CNOT2: variants seen among roughly 807,000 people sequenced by gnomAD.
CNOT2 encodes the protein CC chemokine receptor 4-negative regulator of transcription 2.
CNOT2 carries 7 observed loss-of-function variants against 72.1 expected under a neutral mutation model. The observed-to-expected ratio is 0.10, with a 90% CI of 0.06 to 0.18. The LOEUF (loss-of-function observed/expected upper bound fraction) is 0.18, where lower values mean the gene tolerates loss of function less well. Ranked by LOEUF, CNOT2 falls within the 10% of genes least tolerant of loss-of-function variation. The pLI, the probability that CNOT2 is intolerant of heterozygous loss-of-function variation, is 1.00. For missense variants in CNOT2, 345 were observed against 660.3 expected (o/e 0.52, Z 5.23); for synonymous variants, 196 against 225.6 (o/e 0.87, Z 1.17).
At chr12:70,280,420 C>G (rs890535579) in intron 2 of CNOT2, among the ~76,000 whole-genome samples, 1 of 152,018 alleles carries the variant, frequency 6.6e-6, no homozygotes, top group Non-Finnish European at 1.5e-5. Flanking sequence ...CTTAAATCTT[C>G]CGAATTGATG....
chr12:70,335,886 C>T (rs1020798359), intron 8 of CNOT2: 2 of 177,354 alleles, frequency 1.1e-5, no homozygotes, highest in African/African-American at 4.7e-5. Context: ...CTTTTCTCTC[C>T]TTAATTGATC....
intron 1 of CNOT2, among the ~76,000 whole-genome samples, chr12:70,265,273 T>C (rs537485093): frequency 2.6e-4 from 33 of 125,382 alleles, no homozygotes; most frequent in African/African-American, 8.1e-4. Context: ...TTCGTTTTGT[T>C]TCTTCTCTTC....
At chr12:70,300,183 G>A (rs1442215541) in intron 2 of CNOT2, among the ~76,000 whole-genome samples, 3 of 152,178 alleles carry the variant, frequency 2.0e-5, no homozygotes, top group African/African-American at 4.8e-5. Context: ...TGTTCACTCT[G>A]ATGGTCGTTT....
chr12:70,275,536 C>G (rs1214510886), intron 1 of CNOT2, among the ~76,000 whole-genome samples: 1 of 152,016 alleles, frequency 6.6e-6, no homozygotes, highest in African/African-American at 2.4e-5. Flanking sequence ...TGTGTGATGT[C>G]TGGAAACCAT....
chr12:70,339,936 C>A (rs1057075346), intron 11 of CNOT2, among the ~76,000 whole-genome samples: 1 of 152,180 alleles, frequency 6.6e-6, no homozygotes, highest in African/African-American at 2.4e-5. Flanking sequence ...GTTCTACTTA[C>A]AACACATTTT....
At chr12:70,303,195 T>G (rs1222491296) in intron 2 of CNOT2, among the ~76,000 whole-genome samples, 2 of 152,228 alleles carry the variant, frequency 1.3e-5, no homozygotes, top group African/African-American at 4.8e-5. Context: ...GCCTTTTAAT[T>G]GGAGCATATA....
chr12:70,272,219 C>T (rs1259530549), intron 1 of CNOT2, among the ~76,000 whole-genome samples: 2 of 152,146 alleles, frequency 1.3e-5, no homozygotes, highest in African/African-American at 4.8e-5. Context: ...ATTGTAGGTA[C>T]TTGTGATAAC....
intron 2 of CNOT2, among the ~76,000 whole-genome samples, chr12:70,300,652 G>T (rs559905958): frequency 6.6e-5 from 10 of 152,144 alleles, no homozygotes; most frequent in Non-Finnish European, 1.0e-4. Flanking sequence ...GTCAGGTAGC[G>T]TGATGCCTCC....
intron 4 of CNOT2, among the ~76,000 whole-genome samples, chr12:70,328,014 T>TA (rs1027587252): frequency 3.9e-5 from 6 of 151,914 alleles, no homozygotes; most frequent in South Asian, 2.1e-4. Context: ...TCACAAAACT[T>TA]ACGGTGACTG....
chr12:70,349,371 G>A (rs1040683236), intron 15 of CNOT2, among the ~76,000 whole-genome samples: 2 of 152,046 alleles, frequency 1.3e-5, no homozygotes, highest in African/African-American at 2.4e-5. Context: ...GTTAAAGAAC[G>A]TATATTAAAT....
intron 3 of CNOT2, among the ~76,000 whole-genome samples, chr12:70,312,903 T>C (rs1876712540): frequency 1.3e-5 from 2 of 151,986 alleles, no homozygotes; most frequent in South Asian, 2.1e-4. Context: ...TTACCTATAA[T>C]GCTATCAGAA....
chr12:70,269,223 G>C (rs1416541251), intron 1 of CNOT2, among the ~76,000 whole-genome samples: 1 of 151,400 alleles, frequency 6.6e-6, no homozygotes, highest in Non-Finnish European at 1.5e-5. Context: ...AGGCCTACCA[G>C]ACTACAATGT....
intron 2 of CNOT2, among the ~76,000 whole-genome samples, chr12:70,283,366 G>A (rs190811512): frequency 1.6e-3 from 248 of 152,086 alleles, no homozygotes; most frequent in African/African-American, 5.6e-3. Context: ...AGGCTGAGGC[G>A]GGAGATTAGC....
chr12:70,256,466 G>C (rs1315808152), intron 1 of CNOT2, among the ~76,000 whole-genome samples: 2 of 150,636 alleles, frequency 1.3e-5, no homozygotes, highest in African/African-American at 4.9e-5. Flanking sequence ...TTGGATTCTT[G>C]TATATTGATA....
At chr12:70,297,844 T>G in intron 2 of CNOT2, 1 of 257,496 alleles carries the variant, frequency 3.9e-6, no homozygotes, top group Non-Finnish European at 7.9e-6. Context: ...TTCAAGTGAT[T>G]CTCCTGCCTC....
At chr12:70,246,737 C>T (rs1957892798) in intron 1 of CNOT2, among the ~76,000 whole-genome samples, 1 of 152,138 alleles carries the variant, frequency 6.6e-6, no homozygotes, top group Non-Finnish European at 1.5e-5. Flanking sequence ...TTCTGTTTGA[C>T]ATCCTTTGAT....
At chr12:70,247,078 G>A (rs4761189) in intron 1 of CNOT2, among the ~76,000 whole-genome samples, 5 of 151,870 alleles carry the variant, frequency 3.3e-5, no homozygotes, top group African/African-American at 1.2e-4. Context: ...TTGTATATGC[G>A]TAGACTCAGG....
chr12:70,265,966 TAGTC>T (rs1282083218), intron 1 of CNOT2, among the ~76,000 whole-genome samples: 1 of 151,698 alleles, frequency 6.6e-6, no homozygotes, highest in Admixed American at 6.6e-5. Flanking sequence ...AATTCTCTTA[TAGTC>T]AGAAAATATT....
chr12:70,329,666 C>G (rs1593249065), intron 5 of CNOT2, 96 bp downstream of exon 5: 1 of 867,050 alleles, frequency 1.2e-6, no homozygotes, highest in East Asian at 2.5e-5. Context: ...ACTTGATTTT[C>G]TGGTTCAGTG....
Sources: allele counts gnomAD v4.1 joint callset (sites outside exome capture counted in the v4.1 genomes callset), GRCh38; gene constraint gnomAD v4.1.1; transcripts MANE v1.5; gene names NCBI Gene and HGNC (gene_info 2026-07-23, HGNC 2026-07-21).